Variants in GNL3L observed in about 807,000 individuals in gnomAD.
GNL3L encodes the protein G protein nucleolar 3 like, also known as guanine nucleotide-binding protein-like 3-like protein.
A neutral mutation model predicts 42.9 loss-of-function variants in GNL3L; 4 were observed. The ratio of observed to expected loss-of-function variants is 0.09; its 90% confidence interval spans 0.05 to 0.21. The LOEUF (loss-of-function observed/expected upper bound fraction) is 0.21. GNL3L is among the 10% of genes least tolerant of loss of function. GNL3L has a pLI of 1.00. For synonymous variants in GNL3L, 159 were observed against 176.3 expected, an observed-to-expected ratio of 0.90 and a Z score of 0.78; for missense variants, 412 against 481.7, an observed-to-expected ratio of 0.86 and a Z score of 1.36.
At position 54,544,250 on chromosome X, in the gene GNL3L, A is replaced by G; in HGVS notation, c.554A>G (p.Lys185Arg). Residue 185 changes from lysine (K) to arginine (R), a missense_variant, in exon 8 of 16, where the codon AAA (lysine) becomes AGA (arginine). Coordinates refer to ENST00000360845, the MANE Select transcript of GNL3L (RefSeq NM_001184819.2). ...CTGGTCCCCAAGGAGGTTGTGGAGA[A>G]ATGGCTGGATTACCTTCGGAATGAG... ...IDLVPKEVVE[K>R]WLDYLRNELP... 11 of 1,192,571 alleles carry G rather than the reference A, an allele frequency of 9.2e-6. No individual in the cohort carries two copies. The highest frequency in any genetic ancestry group is 1.1e-5 in the Non-Finnish European group (10 of 878,706).
chrX:54,552,387 A>T lies in GNL3L; in HGVS notation c.1277A>T (p.Asp426Val). Residue 426 changes from aspartate (D) to valine (V), a missense_variant, in exon 13 of 16, where the codon GAC becomes GTC. Asp to Val is a radical substitution (Grantham distance 152). Coordinates refer to ENST00000360845, the MANE Select transcript of GNL3L (RefSeq NM_001184819.2). The part of the protein sequence containing the change: ...EIVKEMTEVF[D>V]IEDTEQANED... ...GTTAAGGAAATGACCGAGGTCTTTGACATCGAGGATACTGAGCAGGCCAAT... is the reference window on the plus strand; with the variant it reads ...GTTAAGGAAATGACCGAGGTCTTTGTCATCGAGGATACTGAGCAGGCCAAT... The T allele has an allele frequency of 8.3e-7, 1 of 1,209,931 alleles. No individual in the cohort carries two copies.
intron 16 of GNL3L, among the ~76,000 whole-genome samples, chrX:54,590,654 C>G (rs1925857229): frequency 9.0e-6 from 1 of 111,223 alleles, no homozygotes; most frequent in Non-Finnish European, 1.9e-5. Flanking sequence ...GCTTTGGTTG[C>G]CTGTACTTAT....
At chrX:54,587,489 G>A (rs1486961630) in intron 16 of GNL3L, among the ~76,000 whole-genome samples, 1 of 110,812 alleles carries the variant, frequency 9.0e-6, no homozygotes, top group African/African-American at 3.3e-5. Flanking sequence ...ATTAATTTGA[G>A]ATAATTACCT....
chrX:54,554,648 A>G lies in GNL3L; in HGVS notation c.1402A>G (p.Thr468Ala), dbSNP rs1601987442. Reference protein sequence around the residue: ...MEIKLLHSPMTKIADAIENKT... With the variant: ...MEIKLLHSPMAKIADAIENKT... ...GATCAAGTTGCTCCATTCTCCGATG[A>G]CGAAAATAGCAGATGCCATTGAAAA... Residue 468 changes from threonine to alanine, a missense_variant, in exon 14 of 16, where the codon ACG (threonine) becomes GCG (alanine). By Grantham distance (58) the Thr-to-Ala change is moderately conservative (BLOSUM62 0). Coordinates refer to ENST00000360845, the MANE Select transcript of GNL3L (RefSeq NM_001184819.2). 7.5e-6 allele frequency: 9 copies of G among 1,206,087 alleles called. No homozygotes were observed. The East Asian group carries it at 2.4e-4, about 32-fold the overall frequency.
In GNL3L at chrX:54,545,532, G is replaced by A. The variant is rs767478042; in HGVS notation, c.630+1206G>A. 2.7e-5 allele frequency among the ~76,000 whole-genome samples: 3 copies of A among 111,435 alleles called. No individual in the cohort carries two copies. The South Asian group carries it at 1.1e-3, about 41-fold the overall frequency. On this transcript the variant is annotated intron_variant, in intron 8 of 15. Transcript: ENST00000360845. ...ACTACTTGTTAACTTTAAAAAATAC[G>A]TATACCTCCAATCATTTTTCTCTTT...
At chrX:54,630,315 G>T in the GNL3L span, among the ~76,000 whole-genome samples, 1 of 109,299 alleles carries the variant, frequency 9.1e-6, no homozygotes, top group African/African-American at 3.3e-5. Flanking sequence ...GTTTGTTCTT[G>T]TTTCTGTAGT....
chrX:54,567,911 A>C (rs1925481005), downstream of GNL3L, among the ~76,000 whole-genome samples: 1 of 109,821 alleles, frequency 9.1e-6, no homozygotes, highest in Non-Finnish European at 1.9e-5. Flanking sequence ...TGATTTTCTT[A>C]TGATAAACCA....
At chrX:54,610,054 G>A (rs5961102) in intron 16 of GNL3L, among the ~76,000 whole-genome samples, 72 of 111,854 alleles carry the variant, frequency 6.4e-4, no homozygotes, top group African/African-American at 2.3e-3. Flanking sequence ...TCCTCGTAGA[G>A]GTCTTTCACA....
At chrX:54,608,433 G>C (rs1926124783) in intron 16 of GNL3L, among the ~76,000 whole-genome samples, 1 of 111,034 alleles carries the variant, frequency 9.0e-6, no homozygotes, top group South Asian at 3.8e-4. Context: ...GGTGATTTGT[G>C]AGATTCTGGT....
intron 16 of GNL3L, among the ~76,000 whole-genome samples, chrX:54,616,589 C>G (rs867490177): frequency 1.4e-4 from 16 of 111,552 alleles, no homozygotes; most frequent in African/African-American, 4.9e-4. Flanking sequence ...TTTTTCCCCC[C>G]CTGAACCTAA....
chrX:54,607,086 T>TTTC lies in GNL3L; in HGVS notation c.*46-13756_*46-13754dup, dbSNP rs1926100424. Reference sequence around the variant, plus strand: ...TTTCTTTCTTTCTCTTTCTTTCTTCTTTCTTTCTTTCTTTCTTTCTTTCTT... The same window carrying TTTC: ...TTTCTTTCTTTCTCTTTCTTTCTTCTTTCTTCTTTCTTTCTTTCTTTCTTTCTT... On this transcript the variant is annotated intron_variant, in intron 16 of 16. Coordinates refer to the GNL3L transcript ENST00000674498. 8.6e-4 allele frequency among the ~76,000 whole-genome samples: 45 copies of TTTC among 52,402 alleles called. 4 individuals are homozygous for TTTC. The highest frequency in any genetic ancestry group is 3.4e-3 in the African/African-American group (37 of 10,929). The allele number at this position is 52,402 out of a possible 115,157, so 45.5% of individuals were successfully genotyped here.
chrX:54,639,110 T>A, the GNL3L span, among the ~76,000 whole-genome samples: 2 of 111,207 alleles, frequency 1.8e-5, no homozygotes, highest in Admixed American at 9.5e-5. Context: ...TTTAAAATAA[T>A]GTTTTTTAAA....
intron 16 of GNL3L, among the ~76,000 whole-genome samples, chrX:54,589,071 A>T (rs779699757): frequency 9.0e-6 from 1 of 111,268 alleles, no homozygotes; most frequent in African/African-American, 3.3e-5. Context: ...TATGGAATAC[A>T]TGAGATGTTT....
chrX:54,540,105 T>A (rs1341671960), intron 3 of GNL3L, 30 bp from the exon 4 acceptor site: 1 of 994,596 alleles, frequency 1.0e-6, no homozygotes, highest in South Asian at 2.0e-5. Context: ...GTTCATTACC[T>A]CTGTTTTTTT....
At chrX:54,608,897 A>G (rs1926131737) in intron 16 of GNL3L, among the ~76,000 whole-genome samples, 1 of 111,778 alleles carries the variant, frequency 8.9e-6, no homozygotes. Flanking sequence ...ATCAAATGGT[A>G]GTTCTACTTT....
Position 54,560,666 on chromosome X carries a change from G to C in GNL3L, c.*64G>C, listed in dbSNP as rs1395223717. 3.0e-6 allele frequency: 2 copies of C among 674,514 alleles called. No homozygotes were observed. The highest frequency in any genetic ancestry group is 4.8e-6 in the Non-Finnish European group (2 of 413,220). 55.6% of individuals were successfully genotyped at this position (674,514 alleles called of 1,213,427 possible). A position where few individuals can be genotyped will look rare whatever the true frequency, so the allele number is the denominator to read the frequency against. The stretch of plus-strand genomic sequence containing the variant: ...TCCGGTGGTACGGGGGAATACCAGT[G>C]AAATAGTTTGGTTCTCCCTGAAGCA... On this transcript the variant is annotated 3_prime_UTR_variant, in exon 16 of 16. Transcript: ENST00000360845.
In GNL3L at chrX:54,560,571, C is replaced by G. The variant is rs1220705841; in HGVS notation, c.1718C>G (p.Ser573Cys). 3 of 1,166,438 alleles carry G rather than the reference C, an allele frequency of 2.6e-6. No individual in the cohort carries two copies. Among genetic ancestry groups the G allele is most frequent in the Admixed American group, 2.2e-5 (1 of 45,758 alleles). The change falls in exon 16 of 16, where the codon TCT becomes TGT. Residue 573 changes from serine to cysteine, a missense_variant. Coordinates refer to ENST00000360845, the MANE Select transcript of GNL3L (RefSeq NM_001184819.2). ...SDSMMSALDL[S>C]GNADDGVGD ...TCCATGATGTCTGCTCTCGACCTCT[C>G]TGGCAATGCTGATGATGGTGTTGGT...
downstream of GNL3L, among the ~76,000 whole-genome samples, chrX:54,569,969 C>A (rs904738960): frequency 1.3e-4 from 14 of 111,327 alleles, no homozygotes; most frequent in African/African-American, 3.9e-4. Context: ...TGTTTCATGG[C>A]CCAGAATATG....
chrX:54,540,059 G>C, intron 3 of GNL3L, 76 bp from the exon 4 acceptor site: 1 of 603,501 alleles, frequency 1.7e-6, no homozygotes, highest in Non-Finnish European at 2.8e-6. Context: ...CTTCCTTCTA[G>C]GGCTTCTTGC....
Sources: allele counts gnomAD v4.1 joint callset (sites outside exome capture counted in the v4.1 genomes callset), GRCh38; gene constraint gnomAD v4.1.1; transcripts MANE v1.5; gene names NCBI Gene and HGNC (gene_info 2026-07-23, HGNC 2026-07-21).